CUL1: variants seen among roughly 807,000 people sequenced by gnomAD.
The protein encoded by CUL1 is cullin 1.
In CUL1, 24 loss-of-function variants were observed where a neutral mutation model predicts 118.0. That is an observed-to-expected ratio of 0.20 (90% confidence interval 0.15 to 0.29). The LOEUF (loss-of-function observed/expected upper bound fraction) is 0.29. CUL1 is among the 10% of genes least tolerant of loss of function. The pLI, the probability that CUL1 is intolerant of heterozygous loss-of-function variation, is 1.00. For synonymous variants in CUL1, 332 were observed against 340.4 expected (o/e 0.98, Z 0.27); for missense variants, 361 against 933.8 (o/e 0.39, Z 7.99).
chr7:148,784,170 T>A, intron 11 of CUL1, 93 bp downstream of exon 11: 1 of 1,010,800 alleles, frequency 9.9e-7, no homozygotes, highest in Non-Finnish European at 1.5e-6. Flanking sequence ...TTACATACAT[T>A]AAATTGGAAT....
chr7:148,699,981 A>G (rs1797669480), intron 1 of CUL1, among the ~76,000 whole-genome samples: 1 of 152,088 alleles, frequency 6.6e-6, no homozygotes. Context: ...GCGCAGACAT[A>G]AGATAAGAAA....
At chr7:148,751,135 T>C (rs934715342) in intron 2 of CUL1, among the ~76,000 whole-genome samples, 1 of 152,134 alleles carries the variant, frequency 6.6e-6, no homozygotes, top group Non-Finnish European at 1.5e-5. Context: ...TAGCACTAAG[T>C]TGGCAACTCT....
chr7:148,794,254 A>AT (rs1360610563), intron 17 of CUL1, among the ~76,000 whole-genome samples: 6 of 151,098 alleles, frequency 4.0e-5, no homozygotes, highest in Non-Finnish European at 8.8e-5. Context: ...TATTTTATCT[A>AT]TTTTTTCTTT....
chr7:148,789,186 A>G (rs971014454), intron 14 of CUL1, among the ~76,000 whole-genome samples: 9 of 152,224 alleles, frequency 5.9e-5, no homozygotes, highest in African/African-American at 1.9e-4. Flanking sequence ...TTTAAATGAA[A>G]AATGGAGAAT....
intron 16 of CUL1, among the ~76,000 whole-genome samples, chr7:148,791,078 T>G (rs1028155618): frequency 7.2e-5 from 11 of 152,158 alleles, no homozygotes; most frequent in African/African-American, 2.7e-4. Context: ...CCTCACGCTT[T>G]GGGAGGCTGA....
At chr7:148,741,775 C>T (rs1300852699) in intron 2 of CUL1, among the ~76,000 whole-genome samples, 4 of 151,816 alleles carry the variant, frequency 2.6e-5, no homozygotes, top group Admixed American at 1.3e-4. Context: ...GGTTTCATCA[C>T]GTTGGCCAGG....
intron 2 of CUL1, among the ~76,000 whole-genome samples, chr7:148,737,044 A>G (rs1230433837): frequency 3.9e-5 from 6 of 152,222 alleles, no homozygotes; most frequent in Non-Finnish European, 5.9e-5. Flanking sequence ...GCCTTTTGCA[A>G]ATGTTAAGCC....
chr7:148,768,924 T>C (rs892462036), intron 9 of CUL1, among the ~76,000 whole-genome samples: 1 of 152,200 alleles, frequency 6.6e-6, no homozygotes, highest in African/African-American at 2.4e-5. Flanking sequence ...AGCTTTCCTT[T>C]AGGTTTTTAA....
chr7:148,798,567 G>T lies in CUL1; in HGVS notation c.2031-5G>T. On this transcript the variant is annotated splice_region_variant and splice_polypyrimidine_tract_variant and intron_variant, in intron 19 of 21. Transcript: ENST00000325222. The stretch of plus-strand genomic sequence containing the variant: ...AGTGATCGGTTTCCTCATTTTTCTT[G>T]ATAGTAAGAAATTAAGGGTTAACAT... 6.2e-7 allele frequency: 1 copy of T among 1,605,116 alleles called. No homozygotes were observed. Among genetic ancestry groups the T allele is most frequent in the Non-Finnish European group, 8.5e-7 (1 of 1,171,848 alleles).
chr7:148,706,673 G>C (rs2129458910), intron 1 of CUL1, among the ~76,000 whole-genome samples: 1 of 151,788 alleles, frequency 6.6e-6, no homozygotes, highest in Admixed American at 6.6e-5. Flanking sequence ...ATGTGTGTTG[G>C]GGGTGGGGGC....
At chr7:148,704,784 GTTA>G (rs1390124275) in intron 1 of CUL1, among the ~76,000 whole-genome samples, 1 of 151,808 alleles carries the variant, frequency 6.6e-6, no homozygotes, top group Admixed American at 6.5e-5. Flanking sequence ...GAGCAGTGGA[GTTA>G]TTTTTAGTTT....
At chr7:148,704,374 T>C (rs1363543818) in intron 1 of CUL1, among the ~76,000 whole-genome samples, 1 of 152,004 alleles carries the variant, frequency 6.6e-6, no homozygotes, top group Non-Finnish European at 1.5e-5. Flanking sequence ...CTAGAAAGAG[T>C]GTAATTTAAT....
chr7:148,766,578 T>C lies in CUL1; in HGVS notation c.807T>C (p.Leu269=), dbSNP rs1412508455. ...TTCTCCAGGCAGAGGCTCGTCTGCT[T>C]GAGGAACAACGAAGAGTTCAGGTTT... ...EYMKKAEARL[L]EEQRRVQVYL... is the part of the protein sequence containing the mutation. Residue 269 remains leucine, a synonymous_variant, in exon 8 of 22, where the codon CTT becomes CTC. Coordinates refer to ENST00000325222, the MANE Select transcript of CUL1 (RefSeq NM_003592.3). The C allele has an allele frequency of 6.2e-7, 1 of 1,608,752 alleles. No individual in the cohort carries two copies. The highest frequency in any genetic ancestry group is 1.1e-5 in the South Asian group (1 of 89,294).
intron 17 of CUL1, among the ~76,000 whole-genome samples, chr7:148,793,785 T>C (rs963211913): frequency 3.3e-5 from 5 of 152,268 alleles, no homozygotes; most frequent in Non-Finnish European, 5.9e-5. Context: ...ATAGAATTGC[T>C]GAGTCATGTA....
intron 1 of CUL1, among the ~76,000 whole-genome samples, chr7:148,700,015 C>G (rs1585517582): frequency 6.6e-6 from 1 of 152,224 alleles, no homozygotes; most frequent in Admixed American, 6.5e-5. Context: ...GTAGACATTC[C>G]TTGAAATGAA....
chr7:148,712,754 G>A (rs1416065164), intron 1 of CUL1, among the ~76,000 whole-genome samples: 1 of 152,162 alleles, frequency 6.6e-6, no homozygotes, highest in Non-Finnish European at 1.5e-5. Context: ...TGAAATACAG[G>A]CGCAGAAGTT....
chr7:148,730,572 T>C (rs1244964929), intron 2 of CUL1, among the ~76,000 whole-genome samples: 1 of 152,158 alleles, frequency 6.6e-6, no homozygotes, highest in Non-Finnish European at 1.5e-5. Context: ...GAAGGTTCCG[T>C]TGGGCAAAGC....
intron 9 of CUL1, among the ~76,000 whole-genome samples, chr7:148,775,559 G>T (rs2129461696): frequency 6.6e-6 from 1 of 152,274 alleles, no homozygotes; most frequent in Admixed American, 6.5e-5. Context: ...GTGGATGTTG[G>T]AAAGGAGAAA....
chr7:148,725,141 C>T (rs1481873026), intron 1 of CUL1, among the ~76,000 whole-genome samples: 1 of 152,096 alleles, frequency 6.6e-6, no homozygotes, highest in Non-Finnish European at 1.5e-5. Context: ...GTTCACCAGA[C>T]ACTTGAGTGA....
Sources: gnomAD v4.1 joint callset for allele counts (sites outside exome capture counted in the v4.1 genomes callset) on GRCh38, gnomAD v4.1.1 for gene constraint, MANE v1.5 for transcripts, NCBI Gene and HGNC (gene_info 2026-07-23, HGNC 2026-07-21) for gene names.